PTPRD: variants seen among roughly 807,000 people sequenced by gnomAD.
PTPRD encodes the protein receptor-type tyrosine-protein phosphatase delta.
In PTPRD, 34 loss-of-function variants were observed where a neutral mutation model predicts 214.5. The ratio of observed to expected loss-of-function variants is 0.16; its 90% CI spans 0.12 to 0.21. The LOEUF (loss-of-function observed/expected upper bound fraction) is 0.21. PTPRD is among the 10% of genes least tolerant of loss of function. PTPRD has a pLI of 1.00. For synonymous variants in PTPRD, 1,128 were observed against 845.7 expected (o/e 1.33, Z -5.79); for missense variants, 2,545 against 2,398.7 (o/e 1.06, Z -1.27).
chr9:9,792,056 A>G (rs1330961084), intron 5 of PTPRD, among the ~76,000 whole-genome samples: 2 of 151,976 alleles, frequency 1.3e-5, no homozygotes, highest in Non-Finnish European at 2.9e-5. Flanking sequence ...ATCGAATGGG[A>G]CTCCAAGGAT....
At chr9:9,191,225 T>C (rs2099934941) in intron 9 of PTPRD, among the ~76,000 whole-genome samples, 1 of 152,142 alleles carries the variant, frequency 6.6e-6, no homozygotes, top group Admixed American at 6.6e-5. Flanking sequence ...AGGGCCCATG[T>C]GGCAAAAGGT....
intron 14 of PTPRD, among the ~76,000 whole-genome samples, chr9:8,592,400 AG>A (rs575029917): frequency 2.5e-3 from 384 of 152,312 alleles, no homozygotes; most frequent in Middle Eastern, 6.8e-3. Context: ...TATGGCCTAT[AG>A]GGAGTTAGAG....
intron 2 of PTPRD, among the ~76,000 whole-genome samples, chr9:10,443,962 T>G (rs186228989): frequency 1.3e-5 from 2 of 151,814 alleles, no homozygotes; most frequent in African/African-American, 4.8e-5. Context: ...CTATTTATAT[T>G]AATAGGCCAC....
At chr9:8,972,503 G>T (rs2099244500) in intron 11 of PTPRD, among the ~76,000 whole-genome samples, 1 of 151,624 alleles carries the variant, frequency 6.6e-6, no homozygotes, top group South Asian at 2.1e-4. Flanking sequence ...AAAGAAGAAA[G>T]GGAAGAGGAG....
At chr9:8,370,598 T>C (rs943984407) in intron 39 of PTPRD, among the ~76,000 whole-genome samples, 4 of 152,108 alleles carry the variant, frequency 2.6e-5, no homozygotes, top group African/African-American at 9.7e-5. Context: ...ACTCACATGC[T>C]AGCAATTGCC....
intron 30 of PTPRD, among the ~76,000 whole-genome samples, chr9:8,479,521 C>T (rs1207831697): frequency 4.6e-5 from 7 of 151,962 alleles, no homozygotes. Context: ...GCGGAAAGTG[C>T]ATAAATAAAA....
Position 10,529,100 on chromosome 9 carries a change from T to C in PTPRD, c.-600+83298A>G, listed in dbSNP as rs191198397. Among the ~76,000 whole-genome samples, 339 of 152,312 alleles carry C rather than the reference T, an allele frequency of 2.2e-3. 2 individuals carry two copies. The highest frequency in any genetic ancestry group is 7.8e-3 in the African/African-American group (326 of 41,582). On this transcript the variant is annotated intron_variant, in intron 2 of 45. Coordinates refer to ENST00000381196, the MANE Select transcript of PTPRD (RefSeq NM_002839.4). ...CATGACAATGAAAGCAAAAAATAGA[T>C]TTGATCTCCTTGATTTATTTTAGCT...
intron 12 of PTPRD, among the ~76,000 whole-genome samples, chr9:8,680,882 T>C (rs910463542): frequency 6.6e-6 from 1 of 152,216 alleles, no homozygotes; most frequent in Non-Finnish European, 1.5e-5. Context: ...ATGATTGGCC[T>C]CACGGGACTG....
intron 3 of PTPRD, among the ~76,000 whole-genome samples, chr9:10,170,917 C>G (rs1384738200): frequency 2.0e-5 from 3 of 152,108 alleles, no homozygotes. Context: ...AGAACACACC[C>G]TCATTACTCT....
At chr9:10,487,441 C>G (rs1589268553) in intron 2 of PTPRD, among the ~76,000 whole-genome samples, 1 of 151,916 alleles carries the variant, frequency 6.6e-6, no homozygotes. Flanking sequence ...TAGTTTTGTT[C>G]TTTTCATTTT....
intron 14 of PTPRD, among the ~76,000 whole-genome samples, chr9:8,575,492 A>C (rs891366072): frequency 6.6e-6 from 1 of 152,142 alleles, no homozygotes; most frequent in African/African-American, 2.4e-5. Context: ...CTTGAAAATA[A>C]ATTACAGGCT....
At chr9:8,681,942 C>T (rs547735175) in intron 12 of PTPRD, among the ~76,000 whole-genome samples, 49 of 152,236 alleles carry the variant, frequency 3.2e-4, no homozygotes, top group Non-Finnish European at 5.6e-4. Flanking sequence ...CAACCGACTA[C>T]GGTAGGAGAA....
chr9:9,817,463 T>C (rs537409447), intron 5 of PTPRD, among the ~76,000 whole-genome samples: 12 of 152,202 alleles, frequency 7.9e-5, no homozygotes, highest in South Asian at 6.2e-4. Context: ...ATTTCCACTT[T>C]GACTAACTAC....
At chr9:8,659,436 C>T (rs1023031872) in intron 12 of PTPRD, among the ~76,000 whole-genome samples, 1 of 152,164 alleles carries the variant, frequency 6.6e-6, no homozygotes, top group Non-Finnish European at 1.5e-5. Flanking sequence ...GTTGTTATCA[C>T]CATGACCATC....
chr9:9,455,494 T>C (rs1038890402), intron 8 of PTPRD, among the ~76,000 whole-genome samples: 2 of 151,662 alleles, frequency 1.3e-5, no homozygotes, highest in Non-Finnish European at 3.0e-5. Flanking sequence ...AAGAGATCTG[T>C]AATCTTATCT....
rs952652328 is a variant in PTPRD at position 9,953,378 on chromosome 9, G to C, written c.-471-14768C>G. On this transcript the variant is annotated intron_variant, in intron 4 of 45. Coordinates refer to ENST00000381196, the MANE Select transcript of PTPRD (RefSeq NM_002839.4). ...TACAGTGTACACCATTCAGTAACAG[G>C]TGTACTAAAATCTCAGAATTCAACA... Among the ~76,000 whole-genome samples, 2 of 151,896 alleles carry C rather than the reference G, an allele frequency of 1.3e-5. 1 individual carries two copies. The highest frequency in any genetic ancestry group is 1.3e-4 in the Admixed American group (2 of 15,252).
chr9:10,421,634 T>C (rs2098546724), intron 2 of PTPRD, among the ~76,000 whole-genome samples: 1 of 151,892 alleles, frequency 6.6e-6, no homozygotes, highest in Admixed American at 6.6e-5. Flanking sequence ...GCATACCATA[T>C]ATCAAAAAGG....
chr9:9,892,474 TA>T (rs1185152952), intron 5 of PTPRD, among the ~76,000 whole-genome samples: 1 of 151,970 alleles, frequency 6.6e-6, no homozygotes, highest in Non-Finnish European at 1.5e-5. Flanking sequence ...AAAGTAAAAG[TA>T]GAGAAATTTG....
chr9:8,547,189 T>C (rs1009063659), intron 14 of PTPRD, among the ~76,000 whole-genome samples: 11 of 152,182 alleles, frequency 7.2e-5, no homozygotes, highest in Non-Finnish European at 1.5e-4. Context: ...CATGTCCAAA[T>C]GAATCCACAT....
Sources: allele counts gnomAD v4.1 joint callset (sites outside exome capture counted in the v4.1 genomes callset), GRCh38; gene constraint gnomAD v4.1.1; transcripts MANE v1.5; gene names NCBI Gene and HGNC (gene_info 2026-07-23, HGNC 2026-07-21).